VILL: variants seen among roughly 807,000 people sequenced by gnomAD.
VILL encodes villin-like protein.
In VILL, 102 loss-of-function variants were observed where a neutral mutation model predicts 106.3. The ratio of observed to expected loss-of-function variants is 0.96; its 90% CI spans 0.82 to 1.13. The LOEUF (loss-of-function observed/expected upper bound fraction) is 1.13, where lower values mean the gene tolerates loss of function less well. Ranked by LOEUF, VILL falls within the 50% of genes most tolerant of loss-of-function variation. The pLI, the probability that VILL is intolerant of heterozygous loss-of-function variation, is 0.00. For synonymous variants in VILL, 431 were observed against 440.3 expected (o/e 0.98, Z 0.27); for missense variants, 1,076 against 1,116.6 (o/e 0.96, Z 0.52).
chr3:37,990,298 A>G (rs1313172801), upstream of VILL, among the ~76,000 whole-genome samples: 1 of 152,162 alleles, frequency 6.6e-6, no homozygotes, highest in Non-Finnish European at 1.5e-5. This position sits in a 1 kb window ranked among gnomAD's most constrained non-coding sequence, Gnocchi z 5.1. Context: ...TAGGGACAGC[A>G]GAAATATCTA....
chr3:37,999,169 GC>G, intron 10 of VILL, 119 bp downstream of exon 10: 1 of 1,174,528 alleles, frequency 8.5e-7, no homozygotes, highest in Non-Finnish European at 1.1e-6. Context: ...AGGGGGCGGG[GC>G]CTGGTCTGCA....
In VILL at chr3:37,994,347, C is replaced by A. The variant is rs369097941; in HGVS notation, c.222C>A (p.Gly74=). 1.7e-4 allele frequency: 271 copies of A among 1,611,424 alleles called. 1 individual carries two copies. The Middle Eastern group carries it at 5.8e-3, about 34-fold the overall frequency. Residue 74 remains glycine (G), a synonymous_variant, in exon 4 of 20, where the codon GGC becomes GGA. Transcript: ENST00000383759. ...AGCAGGCGGGTGCGGAAGCGCAGGG[C>A]GCTGCGGAGGCCTTCCAGCAGCGCC... ...VGKQAGAEAQ[G]AAEAFQQRLQ... is the part of the protein sequence containing the mutation.
chr3:38,002,084 A>G (rs1699828709), intron 13 of VILL: 1 of 762,966 alleles, frequency 1.3e-6, no homozygotes, highest in East Asian at 2.7e-5. Context: ...AAAGGGAGCC[A>G]GGGGCTTGCC....
chr3:37,997,305 G>C lies in VILL; in HGVS notation c.561+118G>C, dbSNP rs535138929. The C allele has an allele frequency of 1.6e-5, 19 of 1,223,374 alleles. 1 individual carries two copies. The South Asian group carries it at 2.3e-4, about 15-fold the overall frequency. 75.8% of individuals were successfully genotyped at this position (1,223,374 alleles called of 1,614,324 possible). A position where few individuals can be genotyped will look rare whatever the true frequency, so the allele number is the denominator to read the frequency against. On this transcript the variant is annotated intron_variant, in intron 6 of 19. Coordinates refer to ENST00000383759, the MANE Select transcript of VILL (RefSeq NM_015873.4). This position sits in a 1 kb window ranked among gnomAD's most constrained non-coding sequence, Gnocchi z 4.7. ...TTGGCTCTGCTACAACCCAAGAAAC[G>C]CCTATGAGTTACAAGCTGAGTTCAG...
In VILL at chr3:38,006,259, C is replaced by G; in HGVS notation, c.2205+7C>G. On this transcript the variant is annotated splice_region_variant and intron_variant, in intron 18 of 19. Coordinates refer to ENST00000383759, the MANE Select transcript of VILL (RefSeq NM_015873.4). ...CATCTCTGAGATAACAGCAGTGAGT[C>G]CTGGGGCCCCTAGCCTTCCCCACAG... The G allele has an allele frequency of 6.2e-7, 1 of 1,614,136 alleles. No individual in the cohort carries two copies. Among genetic ancestry groups the G allele is most frequent in the South Asian group, 1.1e-5 (1 of 91,090 alleles).
At position 37,997,514 on chromosome 3, in the gene VILL, G is replaced by C; in HGVS notation, c.593G>C (p.Arg198Thr). The C allele has an allele frequency of 6.2e-7, 1 of 1,614,074 alleles. No homozygotes were observed. Among genetic ancestry groups the C allele is most frequent in the Non-Finnish European group, 8.5e-7 (1 of 1,180,022 alleles). The change falls in exon 7 of 20, where the codon AGG (arginine) becomes ACG (threonine). Residue 198 changes from arginine (R) to threonine (T), a missense_variant. Arg to Thr is a moderately conservative substitution (Grantham distance 71, BLOSUM62 -1). Coordinates refer to ENST00000383759, the MANE Select transcript of VILL (RefSeq NM_015873.4). The surrounding 1 kb of genome is among the most constrained non-coding windows in gnomAD (Gnocchi z 4.7). ...GLALTYSLRDRERGGGRAQIG... is the reference protein window; with the variant it reads ...GLALTYSLRDTERGGGRAQIG... ...GCTTTGACCTACAGCCTCCGGGACA[G>C]GGAACGTGGTGGTGGTCGTGCACAG...
intron 4 of VILL, among the ~76,000 whole-genome samples, chr3:37,994,819 G>A (rs916697999): frequency 6.6e-6 from 1 of 152,200 alleles, no homozygotes; most frequent in African/African-American, 2.4e-5. Flanking sequence ...TGCCTCTTCC[G>A]GGCATGTCAT....
chr3:37,997,043 T>C lies in VILL; in HGVS notation c.451-34T>C, dbSNP rs1178277178. The C allele has an allele frequency of 6.3e-7, 1 of 1,592,552 alleles. No homozygotes were observed. ...GCTCCCCTCTAGCGGATGCTGGTGG[T>C]ATGACACTCTGTCTCTCTCCCTGGC... On this transcript the variant is annotated intron_variant, in intron 5 of 19. Transcript: ENST00000383759. The surrounding 1 kb of genome is among the most constrained non-coding windows in gnomAD (Gnocchi z 4.7).
chr3:38,000,847 T>A (rs1699799960), intron 11 of VILL: 1 of 456,292 alleles, frequency 2.2e-6, no homozygotes, highest in African/African-American at 2.0e-5. Flanking sequence ...AGAGGTGAGG[T>A]AAGGGAGGCG....
chr3:37,999,319 G>C lies in VILL; in HGVS notation c.1082-20G>C. On this transcript the variant is annotated intron_variant, in intron 10 of 19. Transcript: ENST00000383759. ...GGGGGGGGCAGAGGGCGCCACTGAC[G>C]CCTACTGTCCCCCCTTCAGATAAAT... 1.3e-6 allele frequency: 2 copies of C among 1,499,264 alleles called. No homozygotes were observed. Among genetic ancestry groups the C allele is most frequent in the Non-Finnish European group, 1.8e-6 (2 of 1,123,026 alleles). 92.9% of individuals were successfully genotyped at this position (1,499,264 alleles called of 1,614,324 possible). A position where few individuals can be genotyped will look rare whatever the true frequency, so the allele number is the denominator to read the frequency against.
At position 37,997,446 on chromosome 3, in the gene VILL, A is replaced by G; in HGVS notation, c.562-37A>G. 1 of 1,605,774 alleles carries G rather than the reference A, an allele frequency of 6.2e-7. No individual in the cohort carries two copies. The highest frequency in any genetic ancestry group is 8.5e-7 in the Non-Finnish European group (1 of 1,176,402). The stretch of plus-strand genomic sequence containing the variant: ...AGAAGTCTCTGCTGTGAGAGGGCAC[A>G]CTGGTGACACCCTGACTCCCAGGTC... On this transcript the variant is annotated intron_variant, in intron 6 of 19. Coordinates refer to ENST00000383759, the MANE Select transcript of VILL (RefSeq NM_015873.4). This position sits in a 1 kb window ranked among gnomAD's most constrained non-coding sequence, Gnocchi z 4.7.
intron 15 of VILL, chr3:38,003,851 C>T (rs1699864947): frequency 5.1e-6 from 1 of 195,930 alleles, no homozygotes; most frequent in African/African-American, 2.3e-5. Flanking sequence ...CCACAATTCT[C>T]CTGAGCTCAG....
At position 37,999,743 on chromosome 3, in the gene VILL, C is replaced by A. The variant is rs576664770; in HGVS notation, c.1182+304C>A. On this transcript the variant is annotated intron_variant, in intron 11 of 19. Coordinates refer to ENST00000383759, the MANE Select transcript of VILL (RefSeq NM_015873.4). ...TCAAACATATGCTTATACAGACACA[C>A]ATACTAACACCTTGTAATTGCACAT... Among the ~76,000 whole-genome samples, 38 of 152,346 alleles carry A rather than the reference C, an allele frequency of 2.5e-4. No individual in the cohort carries two copies. In the South Asian group the frequency reaches 6.8e-3, roughly 27 times the overall value.
chr3:38,004,090 C>G (rs575365051), intron 15 of VILL, 165 bp from the exon 16 acceptor site: 59 of 864,780 alleles, frequency 6.8e-5, no homozygotes, highest in African/African-American at 1.4e-4. Flanking sequence ...GGACCCTGTA[C>G]CCAGAGCAGA....
chr3:37,995,647 C>A, intron 4 of VILL, 92 bp from the exon 5 acceptor site: 1 of 1,026,498 alleles, frequency 9.7e-7, no homozygotes. Flanking sequence ...CACATACGTG[C>A]ACGTGCTCAC....
intron 18 of VILL, 39 bp from the exon 19 acceptor site, chr3:38,006,410 T>A (rs781501257): frequency 1.3e-6 from 2 of 1,578,504 alleles, no homozygotes; most frequent in Non-Finnish European, 1.7e-6. Flanking sequence ...GGGCTACTGA[T>A]TCCCCATCTT....
In VILL at chr3:38,005,833, G is replaced by A. The variant is rs1699908390; in HGVS notation, c.1992G>A (p.Glu664=). ...GGGAAGCTGCAAGTGAGTGGAAGGA[G>A]GCGGTGGCCTGGGGCCAGGAGTACC... ...WLGEAASEWK[E]AVAWGQEYLK... Residue 664 remains glutamate (E), a synonymous_variant, in exon 17 of 20, where the codon GAG becomes GAA. Transcript: ENST00000383759. 1 of 1,613,736 alleles carries A rather than the reference G, an allele frequency of 6.2e-7. No homozygotes were observed. The highest frequency in any genetic ancestry group is 8.5e-7 in the Non-Finnish European group (1 of 1,179,828).
intron 19 of VILL, 24 bp from the exon 20 acceptor site, chr3:38,006,918 C>A: frequency 6.3e-7 from 1 of 1,599,032 alleles, no homozygotes; most frequent in Non-Finnish European, 8.6e-7. Flanking sequence ...CTACCCTGTA[C>A]CTCCCCCTCT....
chr3:38,005,984 G>A lies in VILL; in HGVS notation c.2133+10G>A, dbSNP rs995564228. On this transcript the variant is annotated intron_variant, in intron 17 of 19. Transcript: ENST00000383759. ...CCCCTACAAGTGGACTGTGAGTGAGGCCTGAAACCCCCAGCCCTACCCTAA... is the reference window on the plus strand; with the variant it reads ...CCCCTACAAGTGGACTGTGAGTGAGACCTGAAACCCCCAGCCCTACCCTAA... 6.2e-7 allele frequency: 1 copy of A among 1,605,942 alleles called. No individual in the cohort carries two copies. The highest frequency in any genetic ancestry group is 8.5e-7 in the Non-Finnish European group (1 of 1,174,486).
Sources: gnomAD v4.1 joint callset for allele counts (sites outside exome capture counted in the v4.1 genomes callset) on GRCh38, gnomAD v4.1.1 for gene constraint, Gnocchi (gnomAD v3.1) non-coding constraint, MANE v1.5 for transcripts, NCBI Gene and HGNC (gene_info 2026-07-23, HGNC 2026-07-21) for gene names.